The following C3orf62 variants were observed in gnomAD, a reference collection of about 807,000 sequenced individuals.
C3orf62 encodes the protein chromosome 3 open reading frame 62, also known as uncharacterized protein C3orf62.
Under a neutral mutation model 21.7 loss-of-function variants are expected in C3orf62, and 16 were observed. That is an observed-to-expected ratio of 0.74 (90% CI 0.50 to 1.12). The LOEUF is 1.12. Ranked by LOEUF, C3orf62 falls within the 50% of genes most tolerant of loss-of-function variation. The pLI is 0.00. For synonymous variants in C3orf62, 114 were observed against 117.0 expected (o/e 0.97, Z 0.17); for missense variants, 310 against 318.8 (o/e 0.97, Z 0.21).
intron 2 of C3orf62, among the ~76,000 whole-genome samples, chr3:49,272,708 C>T (rs950601774): frequency 4.0e-5 from 6 of 151,610 alleles, no homozygotes; most frequent in African/African-American, 7.3e-5. Context: ...TGCACCACCA[C>T]GCCTGGCTAA....
chr3:49,272,198 G>A (rs1322352140), intron 2 of C3orf62, among the ~76,000 whole-genome samples: 2 of 152,070 alleles, frequency 1.3e-5, no homozygotes, highest in East Asian at 3.9e-4. Flanking sequence ...AGGAGCTGTA[G>A]TATGAGTTTT....
rs773562622 is a variant in C3orf62, at chr3:49,274,061, G to C, written c.526C>G (p.Leu176Val). ...NSSQEVTKDLLDMIDHTSIRT... is the reference protein window; with the variant it reads ...NSSQEVTKDLVDMIDHTSIRT... ...CCACTGTACTCACCAATCATATCAA[G>C]CAGATCCTTTGTGACCTCTTGGCTA... Residue 176 changes from leucine to valine, a missense_variant, in exon 2 of 3, where the codon CTT becomes GTT. Leu to Val is a conservative substitution (Grantham distance 32, BLOSUM62 1). Coordinates refer to ENST00000343010, the MANE Select transcript of C3orf62 (RefSeq NM_198562.3). 3 of 1,613,258 alleles carry C rather than the reference G, an allele frequency of 1.9e-6. No homozygotes were observed. Among genetic ancestry groups the C allele is most frequent in the South Asian group, 1.1e-5 (1 of 91,050 alleles).
intron 2 of C3orf62, among the ~76,000 whole-genome samples, chr3:49,272,057 G>T (rs1208359642): frequency 6.6e-6 from 1 of 152,144 alleles, no homozygotes; most frequent in African/African-American, 2.4e-5. Context: ...TCACAGGCTG[G>T]CAGGGATTTT....
intron 1 of C3orf62, among the ~76,000 whole-genome samples, chr3:49,276,133 A>T (rs375069668): frequency 2.0e-5 from 3 of 152,220 alleles, no homozygotes; most frequent in Non-Finnish European, 4.4e-5. Context: ...GGTTATTTTT[A>T]AAACCCGGTT....
In C3orf62 at chr3:49,276,702, C is replaced by T. The variant is rs1383291905; in HGVS notation, c.171G>A (p.Ser57=). 1 of 1,614,178 alleles carries T rather than the reference C, an allele frequency of 6.2e-7. No individual in the cohort carries two copies. Residue 57 remains serine (S), a synonymous_variant, in exon 1 of 3, where the codon TCG becomes TCA. Transcript: ENST00000343010. ...TGCAGAGGAGCCTGTGCACGGGCAG[C>T]GAGAAGGAGAGCGGCGCGGCGCTCA... ...LELSAAPLSF[S]LPVHRLLCRR...
rs186904407 is a variant in C3orf62, at chr3:49,273,003, A to T, written c.538+1046T>A. Among the ~76,000 whole-genome samples, 235 of 152,348 alleles carry T rather than the reference A, an allele frequency of 1.5e-3. 1 individual carries two copies. The highest frequency in any genetic ancestry group is 1.1e-3 in the Non-Finnish European group (73 of 68,036). On this transcript the variant is annotated intron_variant, in intron 2 of 2. Coordinates refer to ENST00000343010, the MANE Select transcript of C3orf62 (RefSeq NM_198562.3). Reference sequence around the variant, plus strand: ...GACTCAGTGCATCTAAACATTGATGACATGACCTGATTGATGTATCTATCA... The same window carrying T: ...GACTCAGTGCATCTAAACATTGATGTCATGACCTGATTGATGTATCTATCA...
intron 1 of C3orf62, among the ~76,000 whole-genome samples, chr3:49,275,577 C>CT (rs1337402602): frequency 3.2e-5 from 4 of 125,830 alleles, no homozygotes; most frequent in African/African-American, 1.2e-4. Context: ...GTCGCCCAGG[C>CT]TGGAGTGCAG....
chr3:49,274,069 T>C lies in C3orf62; in HGVS notation c.518A>G (p.Lys173Arg). ...PLNNSSQEVT[K>R]DLLDMIDHTS... ...CTCACCAATCATATCAAGCAGATCCTTTGTGACCTCTTGGCTAGAATTGTT... is the reference window on the plus strand; with the variant it reads ...CTCACCAATCATATCAAGCAGATCCCTTGTGACCTCTTGGCTAGAATTGTT... Residue 173 changes from lysine to arginine, a missense_variant, in exon 2 of 3, where the codon AAG becomes AGG. Lys to Arg is a conservative substitution (Grantham distance 26). Transcript: ENST00000343010. The C allele has an allele frequency of 6.2e-7, 1 of 1,613,848 alleles. No individual in the cohort carries two copies.
At position 49,277,144 on chromosome 3, in the gene C3orf62, A is replaced by T. The variant is rs563526444; in HGVS notation, c.-272T>A. The T allele has an allele frequency of 4.8e-4, 691 of 1,444,396 alleles. 5 individuals are homozygous for T. The Middle Eastern group carries it at 5.4e-3, about 11-fold the overall frequency. The allele number at this position is 1,444,396 out of a possible 1,614,324, so 89.5% of individuals were successfully genotyped here. ...CTCCCAGGCCGCTGGCCCTACCGGCACCCCCCCTTTGGCGAGTCGGCAGCC... is the reference window on the plus strand; with the variant it reads ...CTCCCAGGCCGCTGGCCCTACCGGCTCCCCCCCTTTGGCGAGTCGGCAGCC... On this transcript the variant is annotated 5_prime_UTR_variant, in exon 1 of 3. Coordinates refer to ENST00000343010, the MANE Select transcript of C3orf62 (RefSeq NM_198562.3).
intron 2 of C3orf62, 38 bp from the exon 3 acceptor site, chr3:49,271,483 G>C (rs758574075): frequency 6.3e-7 from 1 of 1,584,566 alleles, no homozygotes; most frequent in East Asian, 2.2e-5. Context: ...AATTCCAGTG[G>C]AAGGTTTCTG....
rs1322125111 is a variant in C3orf62 at position 49,275,539 on chromosome 3, T to G, written c.446+888A>C. On this transcript the variant is annotated intron_variant, in intron 1 of 2. Transcript: ENST00000343010. ...TTGAAGTTTTTTTTTTTTTTTTTTT[T>G]TTTTTTTTTGATACGGAGTCTCGCT... Among the ~76,000 whole-genome samples, 83 of 130,858 alleles carry G rather than the reference T, an allele frequency of 6.3e-4. 2 individuals carry two copies. Among genetic ancestry groups the G allele is most frequent in the African/African-American group, 2.4e-3 (82 of 34,506 alleles). The allele number at this position is 130,858 out of a possible 152,430, so 85.8% of individuals were successfully genotyped here.
rs2107755009 is a variant in C3orf62, at chr3:49,271,410, C to T, written c.574G>A (p.Gly192Arg). The part of the protein sequence containing the change: ...TSIRTIEELA[G>R]KIEFENELNH... The stretch of plus-strand genomic sequence containing the variant: ...AATTCGTTTTCAAATTCTATTTTTC[C>T]AGCCAATTCTTCAATAGTTCGGATG... Residue 192 changes from glycine to arginine, a missense_variant, in exon 3 of 3, where the codon GGA becomes AGA. Gly to Arg is a moderately radical substitution (Grantham distance 125). Transcript: ENST00000343010. 1 of 1,614,122 alleles carries T rather than the reference C, an allele frequency of 6.2e-7. No individual in the cohort carries two copies. Among genetic ancestry groups the T allele is most frequent in the East Asian group, 2.2e-5 (1 of 44,892 alleles).
intron 1 of C3orf62, among the ~76,000 whole-genome samples, chr3:49,275,800 G>A (rs1018513835): frequency 6.6e-6 from 1 of 151,972 alleles, no homozygotes; most frequent in Non-Finnish European, 1.5e-5. Context: ...AAAGTGCTGG[G>A]ATTACAAGTG....
In C3orf62 at chr3:49,277,101, C is replaced by G. The variant is rs2046970311; in HGVS notation, c.-229G>C. The G allele has an allele frequency of 6.8e-7, 1 of 1,481,102 alleles. No homozygotes were observed. The highest frequency in any genetic ancestry group is 1.4e-5 in the African/African-American group (1 of 71,900). 91.7% of individuals were successfully genotyped at this position (1,481,102 alleles called of 1,614,324 possible). ...AGCTTCCTGGCCCGCCCCGCCGCTGCCTCCCGCCCCACCGCGGCTCCCAGG... is the reference window on the plus strand; with the variant it reads ...AGCTTCCTGGCCCGCCCCGCCGCTGGCTCCCGCCCCACCGCGGCTCCCAGG... On this transcript the variant is annotated 5_prime_UTR_variant, in exon 1 of 3. Transcript: ENST00000343010.
Position 49,269,635 on chromosome 3 carries a change from G to A in C3orf62, c.*1545C>T, listed in dbSNP as rs1174560040. On this transcript the variant is annotated 3_prime_UTR_variant, in exon 3 of 3. Transcript: ENST00000343010. ...ACCTCCTGCAGGGTCTGAGTGGTAG[G>A]TGGCCTGGAAGGAGCCTGTAGTTAG... 2 of 152,244 alleles carry A rather than the reference G, an allele frequency of 1.3e-5. No homozygotes were observed. Among genetic ancestry groups the A allele is most frequent in the African/African-American group, 2.4e-5 (1 of 41,446 alleles). 9.4% of individuals were successfully genotyped at this position (152,244 alleles called of 1,614,324 possible). A position where few individuals can be genotyped will look rare whatever the true frequency, so the allele number is the denominator to read the frequency against.
At chr3:49,274,396 T>C (rs2046935561) in intron 1 of C3orf62, 1 of 391,830 alleles carries the variant, frequency 2.6e-6, no homozygotes, top group Admixed American at 4.0e-5. Flanking sequence ...GGTTTAGCCA[T>C]GTTGCCCAGG....
At chr3:49,273,547 A>G (rs1405899894) in intron 2 of C3orf62, among the ~76,000 whole-genome samples, 1 of 152,106 alleles carries the variant, frequency 6.6e-6, no homozygotes, top group East Asian at 1.9e-4. Context: ...CTTCCACCTC[A>G]GCCTCCCTAG....
In C3orf62 at chr3:49,276,821, T is replaced by G; in HGVS notation, c.52A>C (p.Arg18=). The change falls in exon 1 of 3, where the codon AGA becomes CGA. Residue 18 remains arginine (R), a synonymous_variant. Transcript: ENST00000343010. ...GCAGTCAGTTCCTTTCTGCATCTTCTTAGTTTTTCAGACATTTCTCCTAAA... is the reference window on the plus strand; with the variant it reads ...GCAGTCAGTTCCTTTCTGCATCTTCGTAGTTTTTCAGACATTTCTCCTAAA... The part of the protein sequence containing the change: ...SLLGEMSEKL[R]RCRKELTAAI... 6.2e-7 allele frequency: 1 copy of G among 1,613,890 alleles called. No individual in the cohort carries two copies.
rs2046908159 is a variant in C3orf62 at position 49,270,842 on chromosome 3, G to A, written c.*338C>T. The A allele has an allele frequency of 4.8e-6, 1 of 209,396 alleles. No homozygotes were observed. Among genetic ancestry groups the A allele is most frequent in the Non-Finnish European group, 9.5e-6 (1 of 104,732 alleles). The allele number at this position is 209,396 out of a possible 1,614,324, so 13.0% of individuals were successfully genotyped here. A position where few individuals can be genotyped will look rare whatever the true frequency, so the allele number is the denominator to read the frequency against. Reference sequence around the variant, plus strand: ...CTGGCCACTCCTGTACTTTTTTAGGGGCCCGTGGAAAAGAACACTAAGAGA... The same window carrying A: ...CTGGCCACTCCTGTACTTTTTTAGGAGCCCGTGGAAAAGAACACTAAGAGA... On this transcript the variant is annotated 3_prime_UTR_variant, in exon 3 of 3. Transcript: ENST00000343010.
Sources: allele counts gnomAD v4.1 joint callset (sites outside exome capture counted in the v4.1 genomes callset), GRCh38; gene constraint gnomAD v4.1.1; transcripts MANE v1.5; gene names NCBI Gene and HGNC (gene_info 2026-07-23, HGNC 2026-07-21).